VWF: variants seen among roughly 807,000 people sequenced by gnomAD.
The protein encoded by VWF is Factor VIII related antigen.
Under a neutral mutation model 308.6 loss-of-function variants are expected in VWF, and 176 were observed. The ratio of observed to expected loss-of-function variants is 0.57; its 90% CI spans 0.50 to 0.65. The LOEUF is 0.65. Among genes scored for constraint, VWF ranks in the 30% least tolerant of loss-of-function variants. The pLI is 0.00. For synonymous variants in VWF, 1,385 were observed against 1,443.4 expected, an observed-to-expected ratio of 0.96 and a Z score of 0.92; for missense variants, 3,146 against 3,648.2, an observed-to-expected ratio of 0.86 and a Z score of 3.55.
chr12:5,967,936 C>G (rs557091861), intron 46 of VWF, among the ~76,000 whole-genome samples, 191 bp downstream of exon 46: 1 of 152,154 alleles, frequency 6.6e-6, no homozygotes, highest in African/African-American at 2.4e-5. Context: ...GAGACAGGCC[C>G]GGAGAGTCAG....
chr12:6,043,969 G>A (rs1944418746), intron 18 of VWF, among the ~76,000 whole-genome samples: 1 of 152,174 alleles, frequency 6.6e-6, no homozygotes, highest in Non-Finnish European at 1.5e-5. Flanking sequence ...GAAAATTCTA[G>A]TGGGAATGCT....
At chr12:6,055,530 C>A (rs759153014) in intron 15 of VWF, among the ~76,000 whole-genome samples, 1 of 152,112 alleles carries the variant, frequency 6.6e-6, no homozygotes, top group Non-Finnish European at 1.5e-5. Flanking sequence ...GGGGAGGGCA[C>A]AACGGCTGCA....
chr12:6,011,978 T>C, intron 33 of VWF, 109 bp downstream of exon 33: 1 of 1,439,004 alleles, frequency 6.9e-7, no homozygotes, highest in Non-Finnish European at 9.8e-7. Flanking sequence ...AAGATAATAG[T>C]AAAAGGAAGC....
At position 6,013,559 on chromosome 12, in the gene VWF, C is replaced by A. The variant is rs376993019; in HGVS notation, c.5542G>T (p.Val1848Leu). ...ILAGPAGDSNVVKLQRIEDLP... is the reference protein window; with the variant it reads ...ILAGPAGDSNLVKLQRIEDLP... The stretch of plus-strand genomic sequence containing the variant: ...TCTTCGATTCGCTGGAGCTTCACCA[C>A]GTTGGAGTCGCCTGCTGGGCCTGCC... The change falls in exon 32 of 52, where the codon GTG becomes TTG. Residue 1848 changes from valine to leucine, a missense_variant. Transcript: ENST00000261405. The A allele has an allele frequency of 3.1e-6, 5 of 1,614,054 alleles. No homozygotes were observed. Among genetic ancestry groups the A allele is most frequent in the Middle Eastern group, 1.7e-4 (1 of 6,054 alleles).
At position 6,019,175 on chromosome 12, in the gene VWF, C is replaced by T. The variant is rs1400741237; in HGVS notation, c.4243G>A (p.Gly1415Ser). ...TTGAGGTTGGCATGGGGCCCAATGC[C>T]CACCGGGATCACAATGACCTTCTTC... ...KKKKVIVIPV[G>S]IGPHANLKQI... Residue 1415 changes from glycine to serine, a missense_variant, in exon 28 of 52, where the codon GGC becomes AGC. Coordinates refer to ENST00000261405, the MANE Select transcript of VWF (RefSeq NM_000552.5). The surrounding 1 kb of genome is among the most constrained non-coding windows in gnomAD (Gnocchi z 5.8). The T allele has an allele frequency of 4.3e-6, 7 of 1,613,844 alleles. No homozygotes were observed. The highest frequency in any genetic ancestry group is 5.1e-6 in the Non-Finnish European group (6 of 1,179,882).
rs186786348 is a variant in VWF at position 6,107,958 on chromosome 12, G to A, written c.532+2416C>T. On this transcript the variant is annotated intron_variant, in intron 5 of 51. Coordinates refer to ENST00000261405, the MANE Select transcript of VWF (RefSeq NM_000552.5). ...CAGGCTTGAGCCACCGCACCCAGCCGAAAGATTCAGTATTTCTAAACACTA... is the reference window on the plus strand; with the variant it reads ...CAGGCTTGAGCCACCGCACCCAGCCAAAAGATTCAGTATTTCTAAACACTA... Among the ~76,000 whole-genome samples, 10 of 151,274 alleles carry A rather than the reference G, an allele frequency of 6.6e-5. No individual in the cohort carries two copies. In the East Asian group the frequency reaches 1.6e-3, roughly 24 times the overall value.
intron 6 of VWF, among the ~76,000 whole-genome samples, chr12:6,091,609 T>C (rs915784759): frequency 5.9e-5 from 9 of 152,168 alleles, no homozygotes; most frequent in Non-Finnish European, 1.0e-4. Flanking sequence ...AGTGGTGCAA[T>C]TGTAGCTCAC....
At chr12:5,994,711 A>G in intron 35 of VWF, 104 bp from the exon 36 acceptor site, 1 of 968,860 alleles carries the variant, frequency 1.0e-6, no homozygotes. Context: ...ACTCAACTGC[A>G]ACATCAGCCA....
chr12:5,974,713 T>G (rs144416608), intron 43 of VWF, among the ~76,000 whole-genome samples: 202 of 152,318 alleles, frequency 1.3e-3, no homozygotes, highest in Middle Eastern at 0.01. Flanking sequence ...AAGCAAAACT[T>G]CTGCACAGAG....
intron 10 of VWF, among the ~76,000 whole-genome samples, chr12:6,067,965 C>CT (rs1944735693): frequency 6.6e-6 from 1 of 151,916 alleles, no homozygotes; most frequent in South Asian, 2.1e-4. Context: ...GAAACCCCGT[C>CT]TCTACTAAAA....
chr12:6,057,516 A>ATTATTG (rs1944597905), intron 14 of VWF, among the ~76,000 whole-genome samples: 1 of 136,828 alleles, frequency 7.3e-6, no homozygotes, highest in African/African-American at 2.6e-5. Flanking sequence ...TATTATTATT[A>ATTATTG]TTATTATTAT....
At chr12:5,994,716 C>T (rs1470039317) in intron 35 of VWF, 109 bp from the exon 36 acceptor site, 1 of 923,246 alleles carries the variant, frequency 1.1e-6, no homozygotes, top group Non-Finnish European at 1.8e-6. Flanking sequence ...ACTGCAACAT[C>T]AGCCACAAAC....
intron 8 of VWF, among the ~76,000 whole-genome samples, chr12:6,072,949 T>A (rs1944797807): frequency 6.6e-6 from 1 of 151,664 alleles, no homozygotes. Flanking sequence ...TCACTGCAAC[T>A]TCCGCCGCCT....
intron 5 of VWF, among the ~76,000 whole-genome samples, chr12:6,099,557 C>A (rs945163579): frequency 2.0e-5 from 3 of 152,028 alleles, no homozygotes; most frequent in Non-Finnish European, 4.4e-5. Context: ...ATGAAACAGT[C>A]CACTCTAAGC....
intron 38 of VWF, among the ~76,000 whole-genome samples, chr12:5,990,604 T>C (rs1222795152): frequency 6.6e-6 from 1 of 152,106 alleles, no homozygotes; most frequent in Non-Finnish European, 1.5e-5. Flanking sequence ...GTGCAGTCCA[T>C]GATCACAAAA....
rs117734078 is a variant in VWF, at chr12:6,077,519, G to A, written c.658-1968C>T. On this transcript the variant is annotated intron_variant, in intron 6 of 51. Transcript: ENST00000261405. ...CCACGGCATGGCTATGACAAGCCTAGGCCTTAAAGCCCAGCTCTGCCACTT... is the reference window on the plus strand; with the variant it reads ...CCACGGCATGGCTATGACAAGCCTAAGCCTTAAAGCCCAGCTCTGCCACTT... Among the ~76,000 whole-genome samples the A allele has an allele frequency of 1.3e-3, 204 of 152,332 alleles. 1 individual carries two copies. In the East Asian group the frequency reaches 0.028, roughly 21 times the overall value.
In VWF at chr12:5,952,406, C is replaced by T. The variant is rs761387678; in HGVS notation, c.8100G>A (p.Lys2700=). Residue 2700 remains lysine, a synonymous_variant, in exon 49 of 52, where the codon AAG becomes AAA. Transcript: ENST00000261405. Reference sequence around the variant, plus strand: ...GAGTACTCACTCCCTCAGCCAGACACTTGTGTTCATCAAAGGGTGGGCAGC... The same window carrying T: ...GAGTACTCACTCCCTCAGCCAGACATTTGTGTTCATCAAAGGGTGGGCAGC... ...VTGCPPFDEH[K]CLAEGGKIMK... The T allele has an allele frequency of 3.7e-6, 6 of 1,613,938 alleles. No homozygotes were observed. In the East Asian group the frequency reaches 1.3e-4, roughly 36 times the overall value.
chr12:6,016,850 C>T lies in VWF; in HGVS notation c.5074G>A (p.Val1692Met), dbSNP rs548269199. The T allele has an allele frequency of 5.6e-6, 9 of 1,614,076 alleles. No individual in the cohort carries two copies. Among genetic ancestry groups the T allele is most frequent in the East Asian group, 4.5e-5 (2 of 44,880 alleles). The change falls in exon 29 of 52, where the codon GTG (valine) becomes ATG (methionine). Residue 1692 changes from valine to methionine, a missense_variant. Coordinates refer to ENST00000261405, the MANE Select transcript of VWF (RefSeq NM_000552.5). Reference sequence around the variant, plus strand: ...GAGGAGCCATCCAGGAGAAGGATCACGTCCAGGGGCTGGCTGCAGTCTGCA... The same window carrying T: ...GAGGAGCCATCCAGGAGAAGGATCATGTCCAGGGGCTGGCTGCAGTCTGCA... The part of the protein sequence containing the change: ...PAPDCSQPLD[V>M]ILLLDGSSSF...
intron 3 of VWF, among the ~76,000 whole-genome samples, chr12:6,112,867 A>C (rs1023568132): frequency 1.7e-4 from 17 of 100,820 alleles, no homozygotes; most frequent in African/African-American, 9.0e-4. Context: ...ACGCACACAC[A>C]CCATGCACAC....
Sources: allele counts gnomAD v4.1 joint callset (sites outside exome capture counted in the v4.1 genomes callset), GRCh38; gene constraint gnomAD v4.1.1; non-coding constraint Gnocchi (gnomAD v3.1); transcripts MANE v1.5; gene names NCBI Gene and HGNC (gene_info 2026-07-23, HGNC 2026-07-21).